The following ODAD2 variants were observed in gnomAD, a reference collection of about 807,000 sequenced individuals.
The protein encoded by ODAD2 is outer dynein arm-docking complex subunit 2.
In ODAD2, 89 loss-of-function variants were observed where a neutral mutation model predicts 106.8. That is an observed-to-expected ratio of 0.83 (90% CI 0.70 to 0.99). The LOEUF is 0.99. ODAD2 is among the 50% of genes least tolerant of loss of function. The pLI is 0.00. For missense variants in ODAD2, 1,168 were observed against 1,238.5 expected (o/e 0.94, Z 0.85); for synonymous variants, 404 against 436.2 (o/e 0.93, Z 0.92).
At chr10:27,854,771 A>T (rs1033169486) in intron 19 of ODAD2, among the ~76,000 whole-genome samples, 3 of 152,172 alleles carry the variant, frequency 2.0e-5, no homozygotes, top group Non-Finnish European at 4.4e-5. Context: ...AAAACTAAAC[A>T]AAACAAAAAA....
At chr10:27,944,607 G>A (rs1846739059) in intron 11 of ODAD2, among the ~76,000 whole-genome samples, 176 bp from the exon 12 acceptor site, 1 of 152,068 alleles carries the variant, frequency 6.6e-6, no homozygotes, top group Non-Finnish European at 1.5e-5. Context: ...TCCTCATTCA[G>A]GAAGCATGAG....
At chr10:27,911,061 G>A (rs1406814551) in intron 16 of ODAD2, among the ~76,000 whole-genome samples, 1 of 152,074 alleles carries the variant, frequency 6.6e-6, no homozygotes, top group Non-Finnish European at 1.5e-5. Context: ...TGGCGTTTAG[G>A]GAATACACAG....
At chr10:27,927,475 C>A (rs988967244) in intron 16 of ODAD2, among the ~76,000 whole-genome samples, 5 of 152,052 alleles carry the variant, frequency 3.3e-5, no homozygotes, top group Non-Finnish European at 7.4e-5. Context: ...AATAGCCATG[C>A]CTGAAACATA....
intron 19 of ODAD2, among the ~76,000 whole-genome samples, chr10:27,839,901 G>T (rs1838185454): frequency 6.6e-6 from 1 of 152,142 alleles, no homozygotes; most frequent in Admixed American, 6.5e-5. Flanking sequence ...TGACAAAAAA[G>T]AGTCAACTGT....
intron 7 of ODAD2, among the ~76,000 whole-genome samples, chr10:27,981,054 G>C (rs1352859752): frequency 6.6e-6 from 1 of 152,146 alleles, no homozygotes; most frequent in Non-Finnish European, 1.5e-5. Flanking sequence ...ACTATGCTAA[G>C]TGAAAGAACC....
intron 4 of ODAD2, among the ~76,000 whole-genome samples, 171 bp from the exon 5 acceptor site, chr10:27,984,461 G>A (rs1849752926): frequency 6.6e-6 from 1 of 152,078 alleles, no homozygotes; most frequent in African/African-American, 2.4e-5. Context: ...AGTAATTAGT[G>A]ATTTATGTTT....
At chr10:27,903,435 G>T (rs1843356475) in intron 17 of ODAD2, among the ~76,000 whole-genome samples, 1 of 152,160 alleles carries the variant, frequency 6.6e-6, no homozygotes. Flanking sequence ...ATATAGTATT[G>T]GAAGTTCTGG....
intron 17 of ODAD2, among the ~76,000 whole-genome samples, chr10:27,900,375 A>G (rs1462884816): frequency 6.6e-6 from 1 of 152,240 alleles, no homozygotes; most frequent in East Asian, 1.9e-4. Flanking sequence ...CAGCACAAAA[A>G]GGCTGAAAAT....
intron 9 of ODAD2, among the ~76,000 whole-genome samples, chr10:27,963,070 C>A (rs1332446198): frequency 6.6e-6 from 1 of 151,136 alleles, no homozygotes; most frequent in Non-Finnish European, 1.5e-5. Context: ...TGCAGTGGTG[C>A]AATCTTGGCT....
At chr10:27,983,791 G>C in intron 6 of ODAD2, 52 bp downstream of exon 6, 3 of 1,547,554 alleles carry the variant, frequency 1.9e-6, no homozygotes, top group Non-Finnish European at 2.7e-6. Context: ...GACATCTACA[G>C]CTAACAATCA....
At chr10:27,890,064 T>C (rs2133693591) in intron 17 of ODAD2, among the ~76,000 whole-genome samples, 1 of 152,004 alleles carries the variant, frequency 6.6e-6, no homozygotes, top group East Asian at 1.9e-4. Flanking sequence ...AAATGCATAA[T>C]CAAAAAAATG....
At chr10:27,816,417 C>G (rs1156897079) in intron 19 of ODAD2, among the ~76,000 whole-genome samples, 1 of 152,060 alleles carries the variant, frequency 6.6e-6, no homozygotes, top group Non-Finnish European at 1.5e-5. Flanking sequence ...TTCCTTTTCT[C>G]CAGCATCGTT....
intron 17 of ODAD2, among the ~76,000 whole-genome samples, chr10:27,888,088 A>G (rs1448074064): frequency 6.6e-6 from 1 of 152,082 alleles, no homozygotes; most frequent in African/African-American, 2.4e-5. Context: ...GTGATTCTGT[A>G]TCTTTGCTAT....
chr10:27,923,924 A>G (rs545405735), intron 16 of ODAD2, among the ~76,000 whole-genome samples: 56 of 148,862 alleles, frequency 3.8e-4, no homozygotes, highest in African/African-American at 1.3e-3. Context: ...ATTCCAGGTG[A>G]TAGAGAGAGA....
intron 10 of ODAD2, among the ~76,000 whole-genome samples, chr10:27,955,150 C>A (rs4367844): frequency 6.6e-6 from 1 of 152,002 alleles, no homozygotes; most frequent in Non-Finnish European, 1.5e-5. Context: ...GGAGTTGATT[C>A]GAGTGGACGA....
Position 27,981,561 on chromosome 10 carries a change from C to T in ODAD2, c.841G>A (p.Asp281Asn). Residue 281 changes from aspartate to asparagine, a missense_variant, in exon 7 of 20, where the codon GAC becomes AAC. Physicochemically the swap from Asp to Asn is conservative, Grantham distance 23. This residue lies in a region of ODAD2 where 430 missense variants were observed against 452.2 expected (regional missense o/e 0.95). Coordinates refer to ENST00000305242, the MANE Select transcript of ODAD2 (RefSeq NM_018076.5). The part of the protein sequence containing the change: ...LNGGKTDDEG[D>N]VNYERKGSIY... ...GAACCTTTTCTCTCATAATTAACGT[C>T]CCCTTCATCATCTGTTTTGCCCTTT... is the stretch of plus-strand genomic sequence containing the variant. The T allele has an allele frequency of 6.5e-7, 1 of 1,545,262 alleles. No individual in the cohort carries two copies. Among genetic ancestry groups the T allele is most frequent in the South Asian group, 1.3e-5 (1 of 77,484 alleles).
chr10:27,944,497 G>C, intron 11 of ODAD2, 66 bp from the exon 12 acceptor site: 2 of 1,417,746 alleles, frequency 1.4e-6, no homozygotes, highest in Non-Finnish European at 2.0e-6. Context: ...AAAATTCCGA[G>C]TATACCTAAA....
chr10:27,992,245 A>T (rs1850278609), intron 2 of ODAD2, among the ~76,000 whole-genome samples: 1 of 152,226 alleles, frequency 6.6e-6, no homozygotes, highest in African/African-American at 2.4e-5. Context: ...AACATCAAAG[A>T]TATCAATAAC....
intron 16 of ODAD2, among the ~76,000 whole-genome samples, chr10:27,908,521 ACTT>A: frequency 6.6e-6 from 1 of 152,176 alleles, no homozygotes; most frequent in Admixed American, 6.5e-5. Flanking sequence ...GCCAAACAAA[ACTT>A]AATAACCTTT....
Sources: allele counts gnomAD v4.1 joint callset (sites outside exome capture counted in the v4.1 genomes callset), GRCh38; gene constraint gnomAD v4.1.1; regional missense constraint gnomAD v4.1.1; transcripts MANE v1.5; gene names NCBI Gene and HGNC (gene_info 2026-07-23, HGNC 2026-07-21).